CREBBP: variants seen among roughly 807,000 people sequenced by gnomAD.
The protein encoded by CREBBP is CREB-binding protein.
CREBBP carries 19 observed loss-of-function variants against 265.0 expected under a neutral mutation model. The observed-to-expected ratio is 0.07, with a 90% CI of 0.05 to 0.11. The LOEUF (loss-of-function observed/expected upper bound fraction) is 0.11, where lower values mean the gene tolerates loss of function less well. Among genes scored for constraint, CREBBP ranks in the 10% least tolerant of loss-of-function variants. The pLI is 1.00. For synonymous variants in CREBBP, 1,457 were observed against 1,223.7 expected (o/e 1.19, Z -3.98); for missense variants, 2,525 against 3,219.0 (o/e 0.78, Z 5.22).
chr16:3,849,382 T>C (rs2054737068), intron 2 of CREBBP, among the ~76,000 whole-genome samples: 1 of 920 alleles, frequency 1.1e-3, no homozygotes, highest in Non-Finnish European at 0.018. Flanking sequence ...CTTGGCCGTG[T>C]GTGTGTGTGT....
chr16:3,764,191 T>G (rs1450922491), intron 16 of CREBBP, among the ~76,000 whole-genome samples: 1 of 152,166 alleles, frequency 6.6e-6, no homozygotes, highest in African/African-American at 2.4e-5. Context: ...CAGGCTGGCT[T>G]GAACTCCTGG....
chr16:3,763,713 C>G (rs2052777790), intron 16 of CREBBP, among the ~76,000 whole-genome samples: 1 of 152,208 alleles, frequency 6.6e-6, no homozygotes, highest in African/African-American at 2.4e-5. Context: ...ATCCACCCGC[C>G]TCAGCTTCCC....
chr16:3,757,397 T>C (rs2052612353), intron 18 of CREBBP, 21 bp from the exon 19 acceptor site: 2 of 1,558,294 alleles, frequency 1.3e-6, no homozygotes, highest in Non-Finnish European at 1.8e-6. Flanking sequence ...AAAGGAGAAA[T>C]ACTTTTATAT....
intron 1 of CREBBP, among the ~76,000 whole-genome samples, chr16:3,875,021 A>T (rs186131304): frequency 2.2e-4 from 34 of 152,374 alleles, no homozygotes; most frequent in Admixed American, 2.0e-3. Context: ...AACACAAGTC[A>T]GCAATTATGG....
At chr16:3,792,855 C>T (rs1047931173) in intron 4 of CREBBP, among the ~76,000 whole-genome samples, 5 of 152,210 alleles carry the variant, frequency 3.3e-5, no homozygotes, top group South Asian at 4.1e-4. Flanking sequence ...TTCACCACCC[C>T]CCCTGGGATG....
intron 1 of CREBBP, among the ~76,000 whole-genome samples, chr16:3,865,767 T>C (rs796388205): frequency 2.6e-5 from 4 of 152,114 alleles, no homozygotes; most frequent in African/African-American, 9.6e-5. Flanking sequence ...GCCTCCTGAG[T>C]GGCTGGGACT....
chr16:3,843,016 A>G (rs1229513422), intron 2 of CREBBP, among the ~76,000 whole-genome samples: 1 of 151,740 alleles, frequency 6.6e-6, no homozygotes, highest in Non-Finnish European at 1.5e-5. Flanking sequence ...GAAGAGAAAT[A>G]ATCACAAACA....
In CREBBP at chr16:3,727,166, G is replaced by A. The variant is rs1195605110; in HGVS notation, c.*552C>T. 3 of 242,018 alleles carry A rather than the reference G, an allele frequency of 1.2e-5. No homozygotes were observed. Among genetic ancestry groups the A allele is most frequent in the Admixed American group, 5.2e-5 (1 of 19,072 alleles). The allele number at this position is 242,018 out of a possible 1,614,324, so 15.0% of individuals were successfully genotyped here. A position where few individuals can be genotyped will look rare whatever the true frequency, so the allele number is the denominator to read the frequency against. On this transcript the variant is annotated 3_prime_UTR_variant, in exon 31 of 31. Coordinates refer to ENST00000262367, the MANE Select transcript of CREBBP (RefSeq NM_004380.3). ...TGTGTGGGTGTGTACGTGTGTGCAC[G>A]CCGGAGTCAATTCCTATCATCCAGG...
rs777360757 is a variant in CREBBP, at chr16:3,810,615, G to A, written c.963C>T (p.Asn321=). 19 of 1,613,608 alleles carry A rather than the reference G, an allele frequency of 1.2e-5. No homozygotes were observed. The highest frequency in any genetic ancestry group is 2.7e-5 in the African/African-American group (2 of 74,836). ...AAGGGTAACTTACCATATTTGGCACGTTGGTGACTGAAGTATTCTTGATAT... is the reference window on the plus strand; with the variant it reads ...AAGGGTAACTTACCATATTTGGCACATTGGTGACTGAAGTATTCTTGATAT... ...PTDIKNTSVT[N]VPNMSQMQTS... is the part of the protein sequence containing the mutation. Residue 321 remains asparagine, a synonymous_variant, in exon 3 of 31, where the codon AAC becomes AAT. Transcript: ENST00000262367.
chr16:3,837,712 A>ATT, intron 2 of CREBBP, among the ~76,000 whole-genome samples: 1 of 151,986 alleles, frequency 6.6e-6, no homozygotes, highest in Non-Finnish European at 1.5e-5. Flanking sequence ...CACCTGTACA[A>ATT]TGTGTTTAGT....
chr16:3,775,203 T>C (rs904889644), intron 11 of CREBBP, among the ~76,000 whole-genome samples: 1 of 152,202 alleles, frequency 6.6e-6, no homozygotes, highest in Non-Finnish European at 1.5e-5. Flanking sequence ...TTTACATTCA[T>C]TGTTAGAATC....
At chr16:3,859,357 T>C (rs2055026879) in intron 1 of CREBBP, among the ~76,000 whole-genome samples, 1 of 152,062 alleles carries the variant, frequency 6.6e-6, no homozygotes, top group Non-Finnish European at 1.5e-5. Context: ...CACACCCGGC[T>C]AATTTTTTGT....
chr16:3,736,022 A>G lies in CREBBP; in HGVS notation c.4728+14T>C. 6.2e-7 allele frequency: 1 copy of G among 1,614,198 alleles called. No individual in the cohort carries two copies. The highest frequency in any genetic ancestry group is 2.2e-5 in the East Asian group (1 of 44,874). ...GGGACACGTGGGCAATGGAGCTCAG[A>G]GAAGGGTCTGTACCTCAGTGGTTTC... On this transcript the variant is annotated intron_variant, in intron 28 of 30. Transcript: ENST00000262367.
intron 2 of CREBBP, among the ~76,000 whole-genome samples, chr16:3,849,719 T>C (rs2054786426): frequency 6.6e-6 from 1 of 151,190 alleles, no homozygotes; most frequent in African/African-American, 2.4e-5. Flanking sequence ...AGCTTCTGAG[T>C]CAATAAAGAA....
intron 1 of CREBBP, among the ~76,000 whole-genome samples, chr16:3,854,005 AC>A (rs1418522029): frequency 2.6e-5 from 4 of 151,884 alleles, no homozygotes; most frequent in Admixed American, 1.3e-4. Flanking sequence ...GAAAATTAAA[AC>A]CTTTTTTCTG....
At chr16:3,815,614 T>C (rs2054023172) in intron 2 of CREBBP, among the ~76,000 whole-genome samples, 2 of 150,548 alleles carry the variant, frequency 1.3e-5, no homozygotes, top group African/African-American at 4.9e-5. Flanking sequence ...TTTGGTTTAA[T>C]GCTGCTAGAG....
intron 3 of CREBBP, among the ~76,000 whole-genome samples, chr16:3,810,047 A>C (rs1382347235): frequency 6.6e-6 from 1 of 152,206 alleles, no homozygotes; most frequent in Non-Finnish European, 1.5e-5. Flanking sequence ...TTTCCCATTA[A>C]TATCTTGATT....
At chr16:3,851,655 C>A (rs1244455180) in intron 1 of CREBBP, among the ~76,000 whole-genome samples, 1 of 150,752 alleles carries the variant, frequency 6.6e-6, no homozygotes, top group Non-Finnish European at 1.5e-5. Flanking sequence ...GAGAGCGAGA[C>A]CATCCTGGCT....
At chr16:3,785,113 T>G (rs949137326) in intron 5 of CREBBP, among the ~76,000 whole-genome samples, 2 of 152,146 alleles carry the variant, frequency 1.3e-5, no homozygotes, top group Admixed American at 1.3e-4. Flanking sequence ...AGGGTAAGGG[T>G]GCTCAGGCAT....
Sources: allele counts gnomAD v4.1 joint callset (sites outside exome capture counted in the v4.1 genomes callset), GRCh38; gene constraint gnomAD v4.1.1; transcripts MANE v1.5; gene names NCBI Gene and HGNC (gene_info 2026-07-23, HGNC 2026-07-21).